Variants in CLEC4A observed in about 807,000 individuals in gnomAD.
CLEC4A encodes the protein C-type (calcium dependent, carbohydrate-recognition domain) lectin, superfamily member 6.
A neutral mutation model predicts 32.7 loss-of-function variants in CLEC4A; 27 were observed. That is an observed-to-expected ratio of 0.83 (90% CI 0.61 to 1.14). The LOEUF is 1.14. Ranked by LOEUF, CLEC4A falls within the 50% of genes most tolerant of loss-of-function variation. CLEC4A has a pLI of 0.00. For synonymous variants in CLEC4A, 89 were observed against 93.7 expected, an observed-to-expected ratio of 0.95 and a Z score of 0.29; for missense variants, 253 against 274.6, an observed-to-expected ratio of 0.92 and a Z score of 0.55.
At chr12:8,135,215 TATTG>T (rs1948092433) in intron 3 of CLEC4A, among the ~76,000 whole-genome samples, 1 of 151,310 alleles carries the variant, frequency 6.6e-6, no homozygotes, top group Admixed American at 6.6e-5. Context: ...TGTAGGCATC[TATTG>T]ATTATTATAT....
At chr12:8,114,266 A>T in the CLEC4A span, among the ~76,000 whole-genome samples, 6 of 151,332 alleles carry the variant, frequency 4.0e-5, no homozygotes, top group African/African-American at 1.2e-4. Context: ...TTTTTCTGAG[A>T]TGGAGTCTTG....
intron 5 of CLEC4A, among the ~76,000 whole-genome samples, chr12:8,137,905 G>C (rs1212611051): frequency 6.6e-6 from 1 of 152,164 alleles, no homozygotes; most frequent in African/African-American, 2.4e-5. Context: ...AAAATCTATG[G>C]TGAGGATATT....
chr12:8,137,305 G>T (rs1162934017), intron 5 of CLEC4A, among the ~76,000 whole-genome samples: 5 of 151,782 alleles, frequency 3.3e-5, no homozygotes, highest in Non-Finnish European at 7.4e-5. Context: ...TTGAGACAGG[G>T]TCTTACTCTG....
chr12:8,128,412 CTTT>C (rs71042335), intron 2 of CLEC4A, among the ~76,000 whole-genome samples: 33 of 134,278 alleles, frequency 2.5e-4, no homozygotes, highest in Admixed American at 2.2e-4. Flanking sequence ...AGTTCAATTT[CTTT>C]TTTTTTTTTT....
the CLEC4A span, among the ~76,000 whole-genome samples, chr12:8,113,654 C>A: frequency 6.6e-6 from 1 of 152,332 alleles, no homozygotes; most frequent in South Asian, 2.1e-4. Context: ...TTGTAGCAAT[C>A]TGCTCACCTT....
intron 3 of CLEC4A, chr12:8,134,241 G>A (rs1948051128): frequency 6.8e-6 from 11 of 1,612,260 alleles, no homozygotes; most frequent in African/African-American, 1.3e-5. Flanking sequence ...ACCCACTTCT[G>A]CAGCAAGGGC....
the CLEC4A span, among the ~76,000 whole-genome samples, chr12:8,111,303 C>T: frequency 6.6e-6 from 1 of 151,610 alleles, no homozygotes; most frequent in Non-Finnish European, 1.5e-5. Flanking sequence ...CCTCAGCCTG[C>T]CAAATAGCTG....
At chr12:8,108,787 T>C in the CLEC4A span, among the ~76,000 whole-genome samples, 1 of 152,236 alleles carries the variant, frequency 6.6e-6, no homozygotes. Flanking sequence ...TGTGACTTCA[T>C]GTTCTGCCCC....
the CLEC4A span, among the ~76,000 whole-genome samples, chr12:8,114,340 G>C: frequency 6.6e-6 from 1 of 152,046 alleles, no homozygotes; most frequent in Non-Finnish European, 1.5e-5. Flanking sequence ...TGCCTCCCGG[G>C]TTCACGCCAT....
intron 4 of CLEC4A, among the ~76,000 whole-genome samples, chr12:8,136,463 G>C (rs1402298252): frequency 6.6e-6 from 1 of 151,768 alleles, no homozygotes; most frequent in Non-Finnish European, 1.5e-5. Context: ...TACTGGGGAG[G>C]CTGAGGCATG....
the CLEC4A span, among the ~76,000 whole-genome samples, chr12:8,105,429 A>C: frequency 1.8e-4 from 27 of 151,406 alleles, no homozygotes; most frequent in Non-Finnish European, 4.0e-4. Flanking sequence ...GGCTCACTGC[A>C]ACCTCCACCT....
At chr12:8,116,507 A>G in the CLEC4A span, among the ~76,000 whole-genome samples, 1 of 152,182 alleles carries the variant, frequency 6.6e-6, no homozygotes, top group Admixed American at 6.5e-5. Flanking sequence ...ATGTATGATC[A>G]TCTACTCCCA....
chr12:8,135,782 G>A (rs376261497), intron 4 of CLEC4A, 46 bp downstream of exon 4: 2 of 1,588,990 alleles, frequency 1.3e-6, no homozygotes, highest in Admixed American at 1.7e-5. Flanking sequence ...CCTGATCTTT[G>A]TATATCTCTC....
the CLEC4A span, among the ~76,000 whole-genome samples, chr12:8,106,174 C>G: frequency 6.6e-6 from 1 of 152,162 alleles, no homozygotes; most frequent in East Asian, 1.9e-4. Flanking sequence ...TTTTTGTCAA[C>G]TTTGTCAAAG....
chr12:8,121,109 A>C (rs1411194691), upstream of CLEC4A: 1 of 152,218 alleles, frequency 6.6e-6, no homozygotes, highest in African/African-American at 2.4e-5. Flanking sequence ...AGTGTAATGT[A>C]AGTGAGAAAT....
Position 8,134,979 on chromosome 12 carries a change from G to GTTTTTTTTTT in CLEC4A, c.299-600_299-599insTTTTTTTTTT, listed in dbSNP as rs1591611840. Reference sequence around the variant, plus strand: ...TGTATCTTCTTGTTGAAGCGTTTTTGTTTTTTGTTTTTTTTTAATCATGGC... The same window carrying GTTTTTTTTTT: ...TGTATCTTCTTGTTGAAGCGTTTTTGTTTTTTTTTTTTTTTTGTTTTTTTTTAATCATGGC... On this transcript the variant is annotated intron_variant, in intron 3 of 5. Transcript: ENST00000229332. 1.1e-3 allele frequency: 188 copies of GTTTTTTTTTT among 165,940 alleles called. 22 individuals are homozygous for GTTTTTTTTTT. The highest frequency in any genetic ancestry group is 1.2e-3 in the Non-Finnish European group (149 of 119,432). The allele number at this position is 165,940 out of a possible 1,614,324, so 10.3% of individuals were successfully genotyped here.
chr12:8,125,702 A>G, intron 2 of CLEC4A, 25 bp downstream of exon 2: 2 of 1,324,576 alleles, frequency 1.5e-6, no homozygotes, highest in Non-Finnish European at 1.1e-6. Flanking sequence ...TGAACCAATA[A>G]GCAATATCTG....
chr12:8,119,840 G>C (rs867498348), upstream of CLEC4A, among the ~76,000 whole-genome samples: 1 of 152,154 alleles, frequency 6.6e-6, no homozygotes, highest in African/African-American at 2.4e-5. Flanking sequence ...AAGTTCAGGG[G>C]TTCCCAGGGG....
Position 8,138,438 on chromosome 12 carries a change from G to C in CLEC4A, c.*151G>C. The stretch of plus-strand genomic sequence containing the variant: ...TTATGAGAGAATTGGTCTGTACATT[G>C]ACTGATTCACTTTTTCATAAAGTGA... On this transcript the variant is annotated 3_prime_UTR_variant, in exon 6 of 6. Coordinates refer to ENST00000229332, the MANE Select transcript of CLEC4A (RefSeq NM_016184.4). 1 of 918,252 alleles carries C rather than the reference G, an allele frequency of 1.1e-6. No individual in the cohort carries two copies. The highest frequency in any genetic ancestry group is 1.6e-6 in the Non-Finnish European group (1 of 615,556). 56.9% of individuals were successfully genotyped at this position (918,252 alleles called of 1,614,324 possible). A position where few individuals can be genotyped will look rare whatever the true frequency, so the allele number is the denominator to read the frequency against.
Sources: allele counts gnomAD v4.1 joint callset (sites outside exome capture counted in the v4.1 genomes callset), GRCh38; gene constraint gnomAD v4.1.1; transcripts MANE v1.5; gene names NCBI Gene and HGNC (gene_info 2026-07-23, HGNC 2026-07-21).